PRKACA: variants seen among roughly 807,000 people sequenced by gnomAD.
The protein encoded by PRKACA is cAMP-dependent protein kinase catalytic subunit alpha.
PRKACA carries 9 observed loss-of-function variants against 45.8 expected under a neutral mutation model. The observed-to-expected ratio is 0.20, with a 90% CI of 0.12 to 0.34. PRKACA has a LOEUF of 0.34. Among genes scored for constraint, PRKACA ranks in the 10% least tolerant of loss-of-function variants. The pLI is 1.00. For synonymous variants in PRKACA, 160 were observed against 178.6 expected, an observed-to-expected ratio of 0.90 and a Z score of 0.83; for missense variants, 238 against 458.6, an observed-to-expected ratio of 0.52 and a Z score of 4.39.
At chr19:14,107,116 C>T (rs1383081973) in intron 2 of PRKACA, among the ~76,000 whole-genome samples, 1 of 123,244 alleles carries the variant, frequency 8.1e-6, no homozygotes, top group Non-Finnish European at 1.6e-5. Flanking sequence ...CTGCTGGCAG[C>T]TGTGCTGGGG....
chr19:14,108,225 T>C (rs1977670709), intron 1 of PRKACA: 2 of 915,280 alleles, frequency 2.2e-6, no homozygotes, highest in African/African-American at 1.8e-5. Flanking sequence ...TGATGAACTC[T>C]GTGACTTTGG....
At chr19:14,096,346 A>C (rs964277098) in intron 8 of PRKACA, 11 of 136,590 alleles carry the variant, frequency 8.1e-5, no homozygotes, top group African/African-American at 2.0e-4. Flanking sequence ...GCGCCCGGCC[A>C]GTTTGTTTTT....
At chr19:14,099,059 G>C (rs1437092843) in intron 5 of PRKACA, among the ~76,000 whole-genome samples, 3 of 152,088 alleles carry the variant, frequency 2.0e-5, no homozygotes, top group Admixed American at 6.6e-5. Context: ...GGCCAAGGCG[G>C]GGGGGGCGGA....
rs1022926961 is a variant in PRKACA, at chr19:14,091,751, C to G, written c.*1361G>C. On this transcript the variant is annotated 3_prime_UTR_variant, in exon 10 of 10. Transcript: ENST00000308677. ...AATATGTTTACAACAGCACACTGTT[C>G]AAGAGGAAGTCTCGTCCTTCGCAGC... 1 of 152,496 alleles carries G rather than the reference C, an allele frequency of 6.6e-6. No individual in the cohort carries two copies. Among genetic ancestry groups the G allele is most frequent in the Non-Finnish European group, 1.5e-5 (1 of 68,056 alleles). 9.4% of individuals were successfully genotyped at this position (152,496 alleles called of 1,614,324 possible).
Position 14,095,855 on chromosome 19 carries a change from G to A in PRKACA, c.765+1506C>T, listed in dbSNP as rs565829521. 1.7e-4 allele frequency among the ~76,000 whole-genome samples: 25 copies of A among 151,446 alleles called. No homozygotes were observed. In the East Asian group the frequency reaches 4.7e-3, roughly 29 times the overall value. On this transcript the variant is annotated intron_variant, in intron 8 of 9. Transcript: ENST00000308677. ...TTAGTGATGCTATGTGTCCAGCTGGGGCACCCCACTTGCCTGAATTTTTTT... is the reference window on the plus strand; with the variant it reads ...TTAGTGATGCTATGTGTCCAGCTGGAGCACCCCACTTGCCTGAATTTTTTT...
intron 5 of PRKACA, among the ~76,000 whole-genome samples, chr19:14,099,673 CTG>C (rs1977384108): frequency 6.7e-6 from 1 of 150,158 alleles, no homozygotes; most frequent in African/African-American, 2.4e-5. Context: ...CTCTAGCAAT[CTG>C]CCCACCTTGG....
At chr19:14,110,690 C>T (rs1461399748) in intron 1 of PRKACA, among the ~76,000 whole-genome samples, 2 of 152,198 alleles carry the variant, frequency 1.3e-5, no homozygotes, top group Non-Finnish European at 2.9e-5. Flanking sequence ...CTTTTAACCA[C>T]CACCTAGGGC....
chr19:14,097,631 C>T lies in PRKACA; in HGVS notation c.590G>A (p.Trp197Ter), dbSNP rs1307219514. 1 of 1,611,296 alleles carries T rather than the reference C, an allele frequency of 6.2e-7. No homozygotes were observed. The highest frequency in any genetic ancestry group is 1.7e-5 in the Admixed American group (1 of 59,826). Residue 197 changes from tryptophan (W) to a stop codon, truncating the protein, a stop_gained, in exon 7 of 10, where the codon TGG becomes TAG. Transcript: ENST00000308677. LOFTEE classifies it high-confidence loss of function. The surrounding 1 kb of genome is among the most constrained non-coding windows in gnomAD (Gnocchi z 5.4). Reference sequence around the variant, plus strand: ...GTACTCAGGGGTGCCGCACAAGGTCCAAGTGCGGCCCTTCACGCGCTTGGC... The same window carrying T: ...GTACTCAGGGGTGCCGCACAAGGTCTAAGTGCGGCCCTTCACGCGCTTGGC... ...GFAKRVKGRTWTLCGTPEYLA... is the reference protein window; with the variant it reads ...GFAKRVKGRT
intron 1 of PRKACA, chr19:14,107,912 G>C: frequency 1.0e-6 from 1 of 988,502 alleles, no homozygotes; most frequent in Non-Finnish European, 1.2e-6. Context: ...CAAGGGCATT[G>C]CTCCAGAGCT....
In PRKACA at chr19:14,092,414, T is replaced by G. The variant is rs1040533892; in HGVS notation, c.*698A>C. 1 of 381,152 alleles carries G rather than the reference T, an allele frequency of 2.6e-6. No individual in the cohort carries two copies. The highest frequency in any genetic ancestry group is 4.5e-5 in the Admixed American group (1 of 22,030). 23.6% of individuals were successfully genotyped at this position (381,152 alleles called of 1,614,324 possible). A position where few individuals can be genotyped will look rare whatever the true frequency, so the allele number is the denominator to read the frequency against. ...CCCCGGGGAGGGGCCCAGGGGAGAT[T>G]AGCAGCGGGGAGGTTCAAACCCCAG... On this transcript the variant is annotated 3_prime_UTR_variant, in exon 10 of 10. Transcript: ENST00000308677.
At chr19:14,115,073 A>AG (rs1473821949) in intron 1 of PRKACA, 4 of 985,224 alleles carry the variant, frequency 4.1e-6, no homozygotes, top group Non-Finnish European at 4.8e-6. Flanking sequence ...CAAAGCAAAG[A>AG]GGGACTTCCT....
chr19:14,104,936 C>T (rs1977559566), intron 3 of PRKACA, among the ~76,000 whole-genome samples: 1 of 152,130 alleles, frequency 6.6e-6, no homozygotes, highest in Non-Finnish European at 1.5e-5. Flanking sequence ...TGGTGACTTT[C>T]AGGCATGGTT....
At chr19:14,093,367 G>A (rs1977149994) in intron 9 of PRKACA, 130 bp from the exon 10 acceptor site, 11 of 1,294,626 alleles carry the variant, frequency 8.5e-6, no homozygotes, top group Non-Finnish European at 1.1e-5. Flanking sequence ...ATTAGGTTAT[G>A]GATTCCTCTT....
At chr19:14,116,583 G>A (rs1312473374) in intron 1 of PRKACA, among the ~76,000 whole-genome samples, 1 of 152,114 alleles carries the variant, frequency 6.6e-6, no homozygotes, top group Non-Finnish European at 1.5e-5. Context: ...AGCCTCAGTT[G>A]TGAAACGACC....
intron 1 of PRKACA, among the ~76,000 whole-genome samples, chr19:14,108,745 T>G (rs1255566346): frequency 6.8e-6 from 1 of 147,978 alleles, no homozygotes; most frequent in Non-Finnish European, 1.5e-5. Context: ...TTTTTTTTTT[T>G]GAGATGGAGT....
At chr19:14,108,278 T>C (rs1977672644) in intron 1 of PRKACA, 1 of 434,286 alleles carries the variant, frequency 2.3e-6, no homozygotes, top group South Asian at 9.6e-5. Flanking sequence ...TCCTCATCTG[T>C]AAAGTGGGGT....
At chr19:14,108,022 C>G in intron 1 of PRKACA, 2 of 986,048 alleles carry the variant, frequency 2.0e-6, no homozygotes, top group Non-Finnish European at 2.4e-6. Context: ...CCGGCAGACC[C>G]TGTGCCGGCT....
At chr19:14,098,908 T>C (rs1201549960) in intron 5 of PRKACA, among the ~76,000 whole-genome samples, 3 of 152,098 alleles carry the variant, frequency 2.0e-5, no homozygotes, top group East Asian at 3.9e-4. Context: ...GGTAGCTATA[T>C]ACAACTGTCA....
intron 5 of PRKACA, 82 bp downstream of exon 5, chr19:14,100,744 C>G (rs1339122196): frequency 7.1e-7 from 1 of 1,402,508 alleles, no homozygotes; most frequent in African/African-American, 1.4e-5. Context: ...CTGGACTCCT[C>G]TGCATTCCCA....
Sources: gnomAD v4.1 joint callset for allele counts (sites outside exome capture counted in the v4.1 genomes callset) on GRCh38, gnomAD v4.1.1 for gene constraint, Gnocchi (gnomAD v3.1) non-coding constraint, MANE v1.5 for transcripts, NCBI Gene and HGNC (gene_info 2026-07-23, HGNC 2026-07-21) for gene names.